Variants in LGSN observed in about 807,000 individuals in gnomAD.
LGSN encodes lengsin, lens protein with glutamine synthetase domain, also known as lengsin.
In LGSN, 21 loss-of-function variants were observed where a neutral mutation model predicts 19.5. That is an observed-to-expected ratio of 1.07 (90% confidence interval 0.76 to 1.55). LGSN has a LOEUF of 1.55. LGSN is among the 40% of genes most tolerant of loss of function. The probability of loss-of-function intolerance (pLI) is 0.00; values close to 1 mark genes in which losing one functional copy is unlikely to be tolerated. For synonymous variants in LGSN, 257 were observed against 215.6 expected (o/e 1.19, Z -1.68); for missense variants, 673 against 608.5 (o/e 1.11, Z -1.12).
the LGSN span, among the ~76,000 whole-genome samples, chr6:63,352,258 A>G: frequency 6.6e-6 from 1 of 152,198 alleles, no homozygotes; most frequent in African/African-American, 2.4e-5. Flanking sequence ...TCCAAAACTC[A>G]CATGTTAGTA....
the LGSN span, among the ~76,000 whole-genome samples, chr6:63,469,488 G>A: frequency 6.6e-6 from 1 of 152,140 alleles, no homozygotes; most frequent in African/African-American, 2.4e-5. Context: ...CAATATTCAA[G>A]ACATGGTGGG....
chr6:63,439,530 A>G, the LGSN span, among the ~76,000 whole-genome samples: 2 of 151,562 alleles, frequency 1.3e-5, no homozygotes, highest in Non-Finnish European at 2.9e-5. Context: ...AAAAAAAAAA[A>G]TTTTTTTAAA....
the LGSN span, among the ~76,000 whole-genome samples, chr6:63,344,554 G>C: frequency 6.6e-6 from 1 of 152,110 alleles, no homozygotes; most frequent in South Asian, 2.1e-4. Context: ...CATGATGATG[G>C]CTGTATACAA....
At chr6:63,367,511 A>G in the LGSN span, among the ~76,000 whole-genome samples, 3 of 151,958 alleles carry the variant, frequency 2.0e-5, no homozygotes, top group East Asian at 5.8e-4. Context: ...AACTAGTTCA[A>G]CCATTGTGGA....
chr6:63,403,802 G>A, the LGSN span, among the ~76,000 whole-genome samples: 1 of 152,118 alleles, frequency 6.6e-6, no homozygotes. Flanking sequence ...CCACATCCTG[G>A]TGTTCGTGAC....
chr6:63,309,560 G>A (rs545544206), intron 1 of LGSN, among the ~76,000 whole-genome samples: 1 of 152,028 alleles, frequency 6.6e-6, no homozygotes, highest in Admixed American at 6.5e-5. Flanking sequence ...GTCTAGTGGG[G>A]TTTTTTTGGC....
At chr6:63,466,214 A>G in the LGSN span, among the ~76,000 whole-genome samples, 4 of 152,208 alleles carry the variant, frequency 2.6e-5, no homozygotes, top group South Asian at 2.1e-4. Context: ...CTGCCTCTTA[A>G]TCATCTGAGA....
chr6:63,353,753 A>G, the LGSN span, among the ~76,000 whole-genome samples: 5 of 152,272 alleles, frequency 3.3e-5, no homozygotes, highest in African/African-American at 1.2e-4. Flanking sequence ...ATATATTACA[A>G]GGTTATAGTA....
At chr6:63,480,940 GATATATATAT>G in the LGSN span, among the ~76,000 whole-genome samples, 150 of 59,886 alleles carry the variant, frequency 2.5e-3, 4 homozygotes, top group East Asian at 6.1e-3. Context: ...TAAAGAAAAT[GATATATATAT>G]ATATATATAT....
At chr6:63,329,458 G>A in the LGSN span, among the ~76,000 whole-genome samples, 102 of 152,376 alleles carry the variant, frequency 6.7e-4, no homozygotes, top group East Asian at 2.1e-3. Context: ...TCCACTGACC[G>A]TTCGGTTTTT....
the LGSN span, among the ~76,000 whole-genome samples, chr6:63,343,879 A>C: frequency 6.1e-3 from 923 of 152,320 alleles, 6 homozygotes; most frequent in African/African-American, 0.02. Flanking sequence ...ACTAGGATTC[A>C]GTGAACCATT....
chr6:63,481,483 C>T, the LGSN span, among the ~76,000 whole-genome samples: 1 of 151,590 alleles, frequency 6.6e-6, no homozygotes, highest in African/African-American at 2.4e-5. Flanking sequence ...GCTGGGGCTA[C>T]AGGCGCATGC....
chr6:63,360,639 C>A, the LGSN span, among the ~76,000 whole-genome samples: 1 of 151,910 alleles, frequency 6.6e-6, no homozygotes, highest in Non-Finnish European at 1.5e-5. Flanking sequence ...TAGTCTGAAG[C>A]CTTCTTCTCT....
At chr6:63,325,710 G>A in the LGSN span, among the ~76,000 whole-genome samples, 2 of 152,144 alleles carry the variant, frequency 1.3e-5, no homozygotes, top group Non-Finnish European at 2.9e-5. Context: ...TGTTCCTTCT[G>A]ATGTTCAGAT....
the LGSN span, among the ~76,000 whole-genome samples, chr6:63,462,709 C>A: frequency 6.6e-6 from 1 of 152,156 alleles, no homozygotes; most frequent in Non-Finnish European, 1.5e-5. Context: ...AGGAGTGTTT[C>A]CAGAGTGTCA....
At chr6:63,345,152 T>G in the LGSN span, among the ~76,000 whole-genome samples, 1 of 152,218 alleles carries the variant, frequency 6.6e-6, no homozygotes, top group South Asian at 2.1e-4. Flanking sequence ...AGCAATATTA[T>G]TATGCTAATG....
chr6:63,348,847 T>C, the LGSN span, among the ~76,000 whole-genome samples: 1 of 151,862 alleles, frequency 6.6e-6, no homozygotes, highest in Non-Finnish European at 1.5e-5. Flanking sequence ...TGCCTCGCCT[T>C]CCTAAAGCAC....
upstream of LGSN, among the ~76,000 whole-genome samples, chr6:63,324,420 G>T (rs1015307668): frequency 2.4e-4 from 37 of 152,312 alleles, no homozygotes; most frequent in Non-Finnish European, 4.3e-4. Flanking sequence ...TTCTGTGATT[G>T]TGTAAGATAT....
chr6:63,284,585 T>C (rs926727157), intron 3 of LGSN, among the ~76,000 whole-genome samples: 3 of 152,200 alleles, frequency 2.0e-5, no homozygotes, highest in South Asian at 4.1e-4. Flanking sequence ...CAGTTTTACA[T>C]TGAGCTCTGG....
Sources: allele counts gnomAD v4.1 joint callset (sites outside exome capture counted in the v4.1 genomes callset), GRCh38; gene constraint gnomAD v4.1.1; transcripts MANE v1.5; gene names NCBI Gene and HGNC (gene_info 2026-07-23, HGNC 2026-07-21).